TANC2: variants seen among roughly 807,000 people sequenced by gnomAD.
The protein encoded by TANC2 is protein TANC2.
Under a neutral mutation model 210.5 loss-of-function variants are expected in TANC2, and 26 were observed. The observed-to-expected ratio is 0.12, with a 90% confidence interval of 0.09 to 0.17. TANC2 has a LOEUF of 0.17. Among genes scored for constraint, TANC2 ranks in the 10% least tolerant of loss-of-function variants. The pLI is 1.00. For synonymous variants in TANC2, 931 were observed against 967.1 expected (o/e 0.96, Z 0.69); for missense variants, 2,129 against 2,608.9 (o/e 0.82, Z 4.01).
intron 2 of TANC2, among the ~76,000 whole-genome samples, chr17:63,022,954 G>A (rs1179582654): frequency 6.6e-6 from 1 of 152,250 alleles, no homozygotes; most frequent in Non-Finnish European, 1.5e-5. Flanking sequence ...AGTAAGCCTG[G>A]CAGTGTCTGT....
chr17:63,279,073 A>G (rs917253157), intron 9 of TANC2, among the ~76,000 whole-genome samples: 1 of 152,164 alleles, frequency 6.6e-6, no homozygotes, highest in Non-Finnish European at 1.5e-5. Context: ...TAAAAATTTA[A>G]GAGGGTAGCT....
intron 9 of TANC2, among the ~76,000 whole-genome samples, chr17:63,295,679 C>T (rs913913377): frequency 6.6e-6 from 1 of 152,186 alleles, no homozygotes; most frequent in African/African-American, 2.4e-5. Context: ...AGTGGGATAA[C>T]TCATGCCACA....
chr17:63,091,545 G>C (rs962081341), intron 3 of TANC2, among the ~76,000 whole-genome samples: 10 of 152,002 alleles, frequency 6.6e-5, no homozygotes, highest in Non-Finnish European at 1.3e-4. Flanking sequence ...ATTTCTGAGG[G>C]CTCTGTTCTG....
intron 5 of TANC2, among the ~76,000 whole-genome samples, chr17:63,184,601 ATTTG>A (rs1411221430): frequency 6.6e-6 from 1 of 150,836 alleles, no homozygotes; most frequent in Admixed American, 6.6e-5. Context: ...ATCATCAATT[ATTTG>A]TTTTACCAAT....
chr17:63,264,677 A>C (rs565160517), intron 8 of TANC2, among the ~76,000 whole-genome samples: 1 of 152,172 alleles, frequency 6.6e-6, no homozygotes, highest in African/African-American at 2.4e-5. Context: ...ATAGTAGTGT[A>C]TATGGAAAGT....
At chr17:62,975,859 A>G (rs1479707126) in intron 1 of TANC2, among the ~76,000 whole-genome samples, 1 of 152,084 alleles carries the variant, frequency 6.6e-6, no homozygotes, top group Non-Finnish European at 1.5e-5. Context: ...AATAAATGGT[A>G]ATTTTTATTA....
At chr17:63,332,267 C>A in intron 11 of TANC2, 1 of 319,930 alleles carries the variant, frequency 3.1e-6, no homozygotes, top group South Asian at 2.9e-5. Context: ...TTTATTTGAC[C>A]CCTTCCACCT....
At chr17:63,326,470 G>A (rs927193546) in intron 11 of TANC2, among the ~76,000 whole-genome samples, 16 of 152,082 alleles carry the variant, frequency 1.1e-4, no homozygotes, top group African/African-American at 3.6e-4. Context: ...AGGCTTTCTA[G>A]GATCTAAAGC....
chr17:63,408,968 AT>A (rs1466843696), intron 21 of TANC2, among the ~76,000 whole-genome samples: 1 of 152,016 alleles, frequency 6.6e-6, no homozygotes, highest in Non-Finnish European at 1.5e-5. Flanking sequence ...TAAGAACCAA[AT>A]GTATATTGGA....
chr17:63,094,009 T>G (rs1266347876), intron 3 of TANC2, among the ~76,000 whole-genome samples: 3 of 152,152 alleles, frequency 2.0e-5, no homozygotes, highest in African/African-American at 7.2e-5. Context: ...ATATTTTATG[T>G]TTTTAGTAGT....
At chr17:63,393,411 AGAAAGTAC>A (rs1204573800) in intron 17 of TANC2, 1 of 152,224 alleles carries the variant, frequency 6.6e-6, no homozygotes, top group Non-Finnish European at 1.5e-5. Flanking sequence ...ACATTGTCCA[AGAAAGTAC>A]ATACCAAGGC....
intron 18 of TANC2, among the ~76,000 whole-genome samples, chr17:63,398,024 T>C (rs2048223927): frequency 1.3e-5 from 2 of 152,240 alleles, no homozygotes; most frequent in South Asian, 4.1e-4. Context: ...TTTTGAACCG[T>C]GTTCAGTCAA....
chr17:63,041,561 C>T (rs906142744), intron 2 of TANC2, among the ~76,000 whole-genome samples: 1 of 152,086 alleles, frequency 6.6e-6, no homozygotes, highest in Non-Finnish European at 1.5e-5. Flanking sequence ...AATCATTGAA[C>T]ATTTTTTTTC....
intron 15 of TANC2, among the ~76,000 whole-genome samples, chr17:63,381,882 A>G (rs558777545): frequency 1.3e-5 from 2 of 152,350 alleles, no homozygotes; most frequent in African/African-American, 4.8e-5. Context: ...GCCGACAAAA[A>G]GATCCCTTAC....
chr17:63,118,613 G>T (rs1401120490), intron 4 of TANC2, among the ~76,000 whole-genome samples: 2 of 152,012 alleles, frequency 1.3e-5, no homozygotes, highest in Non-Finnish European at 2.9e-5. Flanking sequence ...TTCCTAAGTT[G>T]CTCTTATTGA....
At chr17:63,123,432 G>A (rs1024334583) in intron 4 of TANC2, among the ~76,000 whole-genome samples, 3 of 151,804 alleles carry the variant, frequency 2.0e-5, no homozygotes, top group South Asian at 2.1e-4. Flanking sequence ...GATGGCTGGC[G>A]CCTGTGGTCC....
chr17:63,378,037 G>T (rs1454422417), intron 14 of TANC2, among the ~76,000 whole-genome samples: 1 of 152,110 alleles, frequency 6.6e-6, no homozygotes, highest in Non-Finnish European at 1.5e-5. Context: ...TGACACGTGG[G>T]GATTATGGGG....
chr17:63,053,390 C>A (rs1027534991), intron 2 of TANC2, among the ~76,000 whole-genome samples: 3 of 152,190 alleles, frequency 2.0e-5, no homozygotes, highest in Admixed American at 2.0e-4. Flanking sequence ...TATTACTTGA[C>A]CTATCAATAT....
chr17:62,994,121 C>A (rs769130960), intron 1 of TANC2, among the ~76,000 whole-genome samples: 1 of 151,950 alleles, frequency 6.6e-6, no homozygotes, highest in Non-Finnish European at 1.5e-5. Context: ...TCTTTTTCTG[C>A]CTAATTGCCC....
Sources: gnomAD v4.1 joint callset for allele counts (sites outside exome capture counted in the v4.1 genomes callset) on GRCh38, gnomAD v4.1.1 for gene constraint, MANE v1.5 for transcripts, NCBI Gene and HGNC (gene_info 2026-07-23, HGNC 2026-07-21) for gene names.